Variants in PRKACB observed in about 807,000 individuals in gnomAD.
PRKACB encodes cAMP-dependent protein kinase catalytic subunit beta.
PRKACB carries 16 observed loss-of-function variants against 51.4 expected under a neutral mutation model. That is an observed-to-expected ratio of 0.31 (90% CI 0.21 to 0.47). The LOEUF is 0.47. PRKACB is among the 20% of genes least tolerant of loss of function. The pLI is 1.00. For missense variants in PRKACB, 309 were observed against 464.5 expected (o/e 0.67, Z 3.08); for synonymous variants, 147 against 154.4 (o/e 0.95, Z 0.35).
intron 1 of PRKACB, among the ~76,000 whole-genome samples, chr1:84,101,708 G>A (rs1049551117): frequency 6.6e-6 from 1 of 152,168 alleles, no homozygotes; most frequent in Non-Finnish European, 1.5e-5. Flanking sequence ...CCAATAAACC[G>A]ATGTTGAAGC....
chr1:84,194,433 A>G (rs2101155432), intron 5 of PRKACB, among the ~76,000 whole-genome samples: 1 of 152,318 alleles, frequency 6.6e-6, no homozygotes, highest in South Asian at 2.1e-4. Context: ...TTGAGGCAAT[A>G]GGAATATGAG....
chr1:84,110,994 G>T (rs1650185474), intron 1 of PRKACB, among the ~76,000 whole-genome samples: 1 of 151,938 alleles, frequency 6.6e-6, no homozygotes, highest in Admixed American at 6.6e-5. Context: ...TTCTAGCTTA[G>T]TTCAGGTCTT....
At chr1:84,114,094 A>G (rs1219278824) in intron 1 of PRKACB, among the ~76,000 whole-genome samples, 1 of 152,162 alleles carries the variant, frequency 6.6e-6, no homozygotes, top group East Asian at 1.9e-4. Context: ...GCTGGAAGAA[A>G]TCAGGCATGT....
intron 1 of PRKACB, among the ~76,000 whole-genome samples, chr1:84,153,679 G>C (rs907344897): frequency 6.6e-6 from 1 of 152,046 alleles, no homozygotes; most frequent in Non-Finnish European, 1.5e-5. Context: ...GTGTTTCTGT[G>C]TCTGCCTTAT....
At chr1:84,209,674 C>T (rs1412571518) in intron 8 of PRKACB, among the ~76,000 whole-genome samples, 1 of 152,124 alleles carries the variant, frequency 6.6e-6, no homozygotes, top group Non-Finnish European at 1.5e-5. Flanking sequence ...CCTTACTATG[C>T]AAAGTTTCAT....
At chr1:84,202,538 T>C (rs915842888) in intron 7 of PRKACB, 145 bp from the exon 8 acceptor site, 2 of 681,476 alleles carry the variant, frequency 2.9e-6, no homozygotes, top group African/African-American at 1.8e-5. Flanking sequence ...ATTTGGTTCA[T>C]TTTTAAATTC....
intron 1 of PRKACB, among the ~76,000 whole-genome samples, chr1:84,151,065 T>C (rs1346069938): frequency 6.6e-6 from 1 of 152,150 alleles, no homozygotes; most frequent in Non-Finnish European, 1.5e-5. Flanking sequence ...TAGTTACTTT[T>C]TCATGGCAAA....
chr1:84,081,479 G>A lies in PRKACB; in HGVS notation c.46+3108G>A, dbSNP rs1647527266. On this transcript the variant is annotated intron_variant, in intron 1 of 8. Transcript: ENST00000370688. ...TATTACATACCTAACTGCTCTGTGT[G>A]TGTTTTTAAAATTACTCTTGAAGAT... Among the ~76,000 whole-genome samples, 5 of 152,270 alleles carry A rather than the reference G, an allele frequency of 3.3e-5. No homozygotes were observed. The South Asian group carries it at 1.0e-3, about 32-fold the overall frequency.
At chr1:84,216,513 T>TA (rs1259727609) in intron 9 of PRKACB, among the ~76,000 whole-genome samples, 59 of 152,292 alleles carry the variant, frequency 3.9e-4, no homozygotes, top group Admixed American at 2.6e-3. Context: ...TCAGCATTAT[T>TA]ATCGCAAATA....
chr1:84,132,831 A>G (rs1429513733), intron 1 of PRKACB, among the ~76,000 whole-genome samples: 3 of 152,182 alleles, frequency 2.0e-5, no homozygotes, highest in Non-Finnish European at 4.4e-5. Context: ...AAAGTGAAAT[A>G]TAAAGAGAAA....
At position 84,202,873 on chromosome 1, in the gene PRKACB, CTA is replaced by C. The variant is rs1411145833; in HGVS notation, c.906+72_906+73del. On this transcript the variant is annotated intron_variant, in intron 8 of 9. Transcript: ENST00000370685. ...GAATTTTAAGCTTCATGAATTGAAACTATATTGTGTCATAATTATTATTCTAC... is the reference window on the plus strand; with the variant it reads ...GAATTTTAAGCTTCATGAATTGAAACTATTGTGTCATAATTATTATTCTAC... 3 of 1,323,518 alleles carry C rather than the reference CTA, an allele frequency of 2.3e-6. No homozygotes were observed. In the Admixed American group the frequency reaches 6.8e-5, roughly 30 times the overall value. 82.0% of individuals were successfully genotyped at this position (1,323,518 alleles called of 1,614,324 possible).
At chr1:84,082,981 C>A (rs1016689543) in intron 1 of PRKACB, among the ~76,000 whole-genome samples, 1 of 152,082 alleles carries the variant, frequency 6.6e-6, no homozygotes, top group Non-Finnish European at 1.5e-5. Context: ...ACTTAGTGAG[C>A]AAATTATTAT....
At chr1:84,226,594 G>A (rs948996935) in intron 9 of PRKACB, among the ~76,000 whole-genome samples, 4 of 152,068 alleles carry the variant, frequency 2.6e-5, no homozygotes, top group Admixed American at 6.6e-5. Flanking sequence ...ACTAAATTCT[G>A]TTATTGATTT....
At chr1:84,233,104 G>A (rs1288394392) in intron 9 of PRKACB, among the ~76,000 whole-genome samples, 8 of 151,684 alleles carry the variant, frequency 5.3e-5, no homozygotes, top group Non-Finnish European at 1.2e-4. Flanking sequence ...TTTAGGGCAG[G>A]CCTGGTGGTG....
chr1:84,132,297 T>TCCTG (rs1277898030), intron 1 of PRKACB, among the ~76,000 whole-genome samples: 1 of 152,146 alleles, frequency 6.6e-6, no homozygotes, highest in Non-Finnish European at 1.5e-5. Context: ...TTCTGAGGAA[T>TCCTG]AGTACTGAGA....
intron 1 of PRKACB, among the ~76,000 whole-genome samples, chr1:84,136,482 G>A (rs975508166): frequency 2.4e-5 from 2 of 82,032 alleles, no homozygotes; most frequent in Non-Finnish European, 6.2e-5. Flanking sequence ...TTACTAGAAC[G>A]GCCAAAACCA....
chr1:84,175,744 C>A, intron 1 of PRKACB: 1 of 1,449,920 alleles, frequency 6.9e-7, no homozygotes. Context: ...TTTTTTTTTT[C>A]ATCTCTTGAA....
rs925021350 is a variant in PRKACB, at chr1:84,225,884, T to A, written c.1072-9296T>A. 3.3e-5 allele frequency among the ~76,000 whole-genome samples: 5 copies of A among 152,210 alleles called. 1 individual carries two copies. Among genetic ancestry groups the A allele is most frequent in the African/African-American group, 1.2e-4 (5 of 41,466 alleles). ...CCTTTTGCTTATCTGCCTCAGATGT[T>A]CCCTGTCACTTCCCTGCTAAATTTC... On this transcript the variant is annotated intron_variant, in intron 9 of 9. Coordinates refer to ENST00000370685, the MANE Select transcript of PRKACB (RefSeq NM_182948.4).
At chr1:84,164,273 A>C in intron 1 of PRKACB, 1 of 1,479,160 alleles carries the variant, frequency 6.8e-7, no homozygotes, top group Non-Finnish European at 9.1e-7. Flanking sequence ...TCTCGGCAAT[A>C]AGATTCATCG....
Sources: allele counts gnomAD v4.1 joint callset (sites outside exome capture counted in the v4.1 genomes callset), GRCh38; gene constraint gnomAD v4.1.1; transcripts MANE v1.5; gene names NCBI Gene and HGNC (gene_info 2026-07-23, HGNC 2026-07-21).